The following CSMD1 variants were observed in gnomAD, a reference collection of about 807,000 sequenced individuals.
CSMD1 encodes CUB and Sushi multiple domains 1.
CSMD1 carries 213 observed loss-of-function variants against 417.5 expected under a neutral mutation model. That is an observed-to-expected ratio of 0.51 (90% CI 0.46 to 0.57). The LOEUF is 0.57. Ranked by LOEUF, CSMD1 falls within the 20% of genes least tolerant of loss-of-function variation. The pLI is 0.00. For synonymous variants in CSMD1, 2,862 were observed against 1,736.8 expected (o/e 1.65, Z -16.11); for missense variants, 6,923 against 4,529.7 (o/e 1.53, Z -15.17).
chr8:4,759,472 G>A lies in CSMD1; in HGVS notation c.86-121914C>T, dbSNP rs56013252. On this transcript the variant is annotated intron_variant, in intron 1 of 69. Transcript: ENST00000635120. ...GCAGATTTGTTACACAGGTAAATGTGTGGCATGCTGGTTTGCTGCACCTAT... is the reference window on the plus strand; with the variant it reads ...GCAGATTTGTTACACAGGTAAATGTATGGCATGCTGGTTTGCTGCACCTAT... Among the ~76,000 whole-genome samples, 877 of 152,306 alleles carry A rather than the reference G, an allele frequency of 5.8e-3. 7 individuals carry two copies. Among genetic ancestry groups the A allele is most frequent in the African/African-American group, 0.02 (847 of 41,564 alleles).
chr8:3,375,679 G>T (rs1323635950), intron 18 of CSMD1, among the ~76,000 whole-genome samples: 1 of 152,102 alleles, frequency 6.6e-6, no homozygotes. Flanking sequence ...CAGTCCAGCT[G>T]CATAGGAGAG....
At chr8:3,258,784 C>A (rs12545673) in intron 26 of CSMD1, among the ~76,000 whole-genome samples, 2,148 of 152,274 alleles carry the variant, frequency 0.014, 35 homozygotes, top group Non-Finnish European at 0.023. Flanking sequence ...AGATCATGTC[C>A]TTTACAGGAA....
At chr8:3,404,064 A>C (rs1016217824) in intron 15 of CSMD1, among the ~76,000 whole-genome samples, 1 of 152,184 alleles carries the variant, frequency 6.6e-6, no homozygotes, top group Non-Finnish European at 1.5e-5. Flanking sequence ...TACGTGTAGT[A>C]TTACCAGACG....
At chr8:4,733,437 G>A (rs970049247) in intron 1 of CSMD1, among the ~76,000 whole-genome samples, 1 of 152,194 alleles carries the variant, frequency 6.6e-6, no homozygotes, top group Non-Finnish European at 1.5e-5. Flanking sequence ...TAGAGGGAAG[G>A]TAGGTGTCGG....
Position 4,709,849 on chromosome 8 carries a change from A to G in CSMD1, c.86-72291T>C, listed in dbSNP as rs540154726. Among the ~76,000 whole-genome samples the G allele has an allele frequency of 7.2e-5, 11 of 152,324 alleles. No homozygotes were observed. The East Asian group carries it at 1.9e-3, about 27-fold the overall frequency. ...AGTCGTCCCGCAGAGTAAAATACAC[A>G]TGAAATCAACGGAAAAGTCTCAATG... On this transcript the variant is annotated intron_variant, in intron 1 of 69. Transcript: ENST00000635120.
At chr8:3,385,010 A>G (rs1318730749) in intron 18 of CSMD1, among the ~76,000 whole-genome samples, 11 of 34,098 alleles carry the variant, frequency 3.2e-4, no homozygotes, top group African/African-American at 1.1e-3. Flanking sequence ...TTTATATATA[A>G]ATATATAATA....
At chr8:3,271,239 C>G (rs1404598500) in intron 26 of CSMD1, among the ~76,000 whole-genome samples, 2 of 151,984 alleles carry the variant, frequency 1.3e-5, no homozygotes, top group Non-Finnish European at 2.9e-5. Context: ...TCTTCCATGT[C>G]CCTACAAAGC....
chr8:4,006,793 T>C (rs977901046), intron 4 of CSMD1, among the ~76,000 whole-genome samples: 12 of 151,962 alleles, frequency 7.9e-5, no homozygotes, highest in African/African-American at 2.7e-4. Context: ...CATATTTCTT[T>C]TGTCGCTGAG....
chr8:2,993,206 A>C (rs1806555546), intron 54 of CSMD1, among the ~76,000 whole-genome samples: 1 of 152,226 alleles, frequency 6.6e-6, no homozygotes. Flanking sequence ...AACTAAGAAC[A>C]ATGTATAAAG....
intron 50 of CSMD1, among the ~76,000 whole-genome samples, chr8:3,037,769 G>A (rs999421598): frequency 6.6e-6 from 1 of 152,170 alleles, no homozygotes. Context: ...GAGTTTTAAA[G>A]TTAACTTCTA....
intron 3 of CSMD1, among the ~76,000 whole-genome samples, chr8:4,115,203 TG>T (rs1802069700): frequency 6.6e-6 from 1 of 152,208 alleles, no homozygotes; most frequent in African/African-American, 2.4e-5. Flanking sequence ...ACTACCATCT[TG>T]GTAAGTCAGC....
At chr8:3,575,652 C>T (rs998368950) in intron 9 of CSMD1, among the ~76,000 whole-genome samples, 2 of 151,900 alleles carry the variant, frequency 1.3e-5, no homozygotes, top group African/African-American at 4.8e-5. Context: ...TTCTTTACAG[C>T]ACAACGCAAA....
intron 54 of CSMD1, among the ~76,000 whole-genome samples, chr8:2,996,015 A>T (rs201678822): frequency 6.6e-6 from 1 of 152,088 alleles, no homozygotes; most frequent in African/African-American, 2.4e-5. Flanking sequence ...AATACCCTCT[A>T]AGTTTGCAAG....
Position 3,770,859 on chromosome 8 carries a change from C to G in CSMD1, c.819-16817G>C, listed in dbSNP as rs551563676. Among the ~76,000 whole-genome samples, 5 of 152,232 alleles carry G rather than the reference C, an allele frequency of 3.3e-5. No individual in the cohort carries two copies. In the South Asian group the frequency reaches 1.0e-3, roughly 32 times the overall value. On this transcript the variant is annotated intron_variant, in intron 5 of 69. Coordinates refer to ENST00000635120, the MANE Select transcript of CSMD1 (RefSeq NM_033225.6). ...AGATAAAGGAGGAAAAACAAATGGT[C>G]CTGTAGCTCATATTTTTTAGTCTCA... is the stretch of plus-strand genomic sequence containing the variant.
intron 49 of CSMD1, among the ~76,000 whole-genome samples, chr8:3,086,081 T>A (rs1030905784): frequency 6.6e-6 from 1 of 152,108 alleles, no homozygotes; most frequent in Non-Finnish European, 1.5e-5. Flanking sequence ...TGAGCTGAAG[T>A]TGGGTCTCTT....
chr8:3,948,589 G>C (rs956997124), intron 5 of CSMD1, among the ~76,000 whole-genome samples: 3 of 151,976 alleles, frequency 2.0e-5, no homozygotes, highest in Non-Finnish European at 4.4e-5. Context: ...CATGATAAAC[G>C]ATGAACGTGT....
chr8:4,961,899 CTTTT>C (rs1036669477), intron 1 of CSMD1, among the ~76,000 whole-genome samples: 3 of 23,950 alleles, frequency 1.3e-4, no homozygotes, highest in Non-Finnish European at 4.0e-4. Flanking sequence ...AAATTCCTTC[CTTTT>C]TTTTCCAATC....
intron 3 of CSMD1, among the ~76,000 whole-genome samples, chr8:4,183,768 A>T (rs1798511932): frequency 6.6e-6 from 1 of 152,236 alleles, no homozygotes; most frequent in African/African-American, 2.4e-5. Context: ...TATTTCGTTG[A>T]TGAAAGCTTT....
chr8:3,487,199 T>TTTTTTA (rs3081120), intron 11 of CSMD1, among the ~76,000 whole-genome samples: 112,587 of 150,732 alleles, frequency 0.75, 42,183 homozygotes, highest in East Asian at 0.85. Flanking sequence ...ATCAGCATAC[T>TTTTTTA]TTTTTATTTA....
Sources: gnomAD v4.1 joint callset for allele counts (sites outside exome capture counted in the v4.1 genomes callset) on GRCh38, gnomAD v4.1.1 for gene constraint, MANE v1.5 for transcripts, NCBI Gene and HGNC (gene_info 2026-07-23, HGNC 2026-07-21) for gene names.